ATL2: variants seen among roughly 807,000 people sequenced by gnomAD.
ATL2 encodes the protein atlastin-2.
ATL2 carries 31 observed loss-of-function variants against 73.9 expected under a neutral mutation model. The observed-to-expected ratio is 0.42, with a 90% CI of 0.32 to 0.57. The LOEUF (loss-of-function observed/expected upper bound fraction) is 0.57, where lower values mean the gene tolerates loss of function less well. ATL2 is among the 20% of genes least tolerant of loss of function. ATL2 has a pLI of 0.14. For synonymous variants in ATL2, 291 were observed against 237.5 expected (o/e 1.23, Z -2.07); for missense variants, 738 against 702.6 (o/e 1.05, Z -0.57).
chr2:38,331,346 G>A (rs1476439632), intron 2 of ATL2, among the ~76,000 whole-genome samples: 1 of 149,916 alleles, frequency 6.7e-6, no homozygotes, highest in Non-Finnish European at 1.5e-5. Flanking sequence ...GGAGGCAGGA[G>A]AATCACTTAA....
intron 4 of ATL2, among the ~76,000 whole-genome samples, chr2:38,316,169 T>C (rs1367596873): frequency 1.3e-5 from 2 of 152,226 alleles, no homozygotes; most frequent in Non-Finnish European, 2.9e-5. Context: ...AAATAAGTGA[T>C]ACTCTGGCTA....
chr2:38,378,371 C>T (rs1356852168), upstream of ATL2, among the ~76,000 whole-genome samples: 6 of 152,208 alleles, frequency 3.9e-5, no homozygotes, highest in Non-Finnish European at 7.3e-5. Flanking sequence ...TCCGGAGTAG[C>T]TGGGATTACA....
intron 2 of ATL2, 89 bp downstream of exon 2, chr2:38,343,179 G>C (rs957695452): frequency 1.5e-5 from 5 of 337,160 alleles, no homozygotes; most frequent in African/African-American, 8.3e-5. Flanking sequence ...AAAAAAAAAA[G>C]ATATAGTTCT....
chr2:38,358,267 C>T (rs545058873), intron 1 of ATL2, among the ~76,000 whole-genome samples: 56 of 152,230 alleles, frequency 3.7e-4, no homozygotes, highest in Non-Finnish European at 5.6e-4. Flanking sequence ...AACTGTAATG[C>T]TCTATTTTTC....
intron 2 of ATL2, among the ~76,000 whole-genome samples, chr2:38,341,821 G>A (rs894975351): frequency 2.6e-5 from 4 of 152,158 alleles, no homozygotes; most frequent in African/African-American, 4.8e-5. Context: ...AAAACCAAAT[G>A]AGAATGTTTA....
chr2:38,335,937 G>C (rs1013298170), intron 2 of ATL2, among the ~76,000 whole-genome samples: 1 of 152,148 alleles, frequency 6.6e-6, no homozygotes, highest in Non-Finnish European at 1.5e-5. Context: ...TGAAACAGGA[G>C]AATGGTGTGA....
At chr2:38,314,006 G>C (rs75188738) in intron 6 of ATL2, among the ~76,000 whole-genome samples, 2,929 of 152,250 alleles carry the variant, frequency 0.019, 31 homozygotes, top group Non-Finnish European at 0.029. Flanking sequence ...AGCCAGACAA[G>C]AGTGAGGCAG....
chr2:38,306,233 G>A (rs1199894262), intron 9 of ATL2, among the ~76,000 whole-genome samples: 2 of 152,084 alleles, frequency 1.3e-5, no homozygotes, highest in South Asian at 2.1e-4. Context: ...AACAAGTAAC[G>A]AGATCAAAGC....
intron 4 of ATL2, among the ~76,000 whole-genome samples, chr2:38,317,568 G>C (rs1369878917): frequency 6.6e-6 from 1 of 152,134 alleles, no homozygotes; most frequent in South Asian, 2.1e-4. Context: ...CATAAGCCTT[G>C]TCTGGGTTTC....
rs529577524 is a variant in ATL2 at position 38,317,172 on chromosome 2, CTG to C, written c.603+1361_603+1362del. On this transcript the variant is annotated intron_variant, in intron 4 of 12. Coordinates refer to ENST00000378954, the MANE Select transcript of ATL2 (RefSeq NM_001135673.4). Reference sequence around the variant, plus strand: ...GGAAAGCATAAAAAAATCCAAGACACTGTGACAGCATCACCTATGATCTACCA... The same window carrying C: ...GGAAAGCATAAAAAAATCCAAGACACTGACAGCATCACCTATGATCTACCA... 3.8e-3 allele frequency among the ~76,000 whole-genome samples: 573 copies of C among 152,204 alleles called. 8 individuals are homozygous for C. Among genetic ancestry groups the C allele is most frequent in the African/African-American group, 0.013 (536 of 41,502 alleles).
At chr2:38,319,079 A>G (rs1668181679) in intron 2 of ATL2, 60 bp from the exon 3 acceptor site, 1 of 1,538,054 alleles carries the variant, frequency 6.5e-7, no homozygotes, top group Non-Finnish European at 8.8e-7. Flanking sequence ...AGAAACCAAA[A>G]AATCACCCAT....
chr2:38,378,272 A>C (rs916134884), upstream of ATL2, among the ~76,000 whole-genome samples: 2 of 152,202 alleles, frequency 1.3e-5, no homozygotes, highest in Non-Finnish European at 2.9e-5. Context: ...CTAGAAAAGC[A>C]CTGGTGTTAT....
chr2:38,352,547 G>C (rs954766023), intron 1 of ATL2, among the ~76,000 whole-genome samples: 1 of 152,204 alleles, frequency 6.6e-6, no homozygotes, highest in Admixed American at 6.5e-5. Flanking sequence ...CTATGCAGAG[G>C]TGGAGCCCAG....
Position 38,310,293 on chromosome 2 carries a change from G to C in ATL2, c.943+16C>G, listed in dbSNP as rs1326062116. The C allele has an allele frequency of 1.9e-6, 3 of 1,607,998 alleles. No individual in the cohort carries two copies. The highest frequency in any genetic ancestry group is 2.5e-6 in the Non-Finnish European group (3 of 1,178,458). ...AATAAATAAGTTCAGATTTTAGCAAGAATGGGAATTCCCACCTTTCAATCT... is the reference window on the plus strand; with the variant it reads ...AATAAATAAGTTCAGATTTTAGCAACAATGGGAATTCCCACCTTTCAATCT... On this transcript the variant is annotated intron_variant, in intron 8 of 12. Transcript: ENST00000378954.
chr2:38,345,896 T>C (rs539290985), intron 1 of ATL2, among the ~76,000 whole-genome samples: 10 of 152,322 alleles, frequency 6.6e-5, no homozygotes, highest in East Asian at 3.9e-4. Flanking sequence ...ACCTAACTCA[T>C]AGGGTTGTCA....
At chr2:38,315,406 C>T in intron 4 of ATL2, 72 bp from the exon 5 acceptor site, 2 of 1,434,264 alleles carry the variant, frequency 1.4e-6, no homozygotes, top group Non-Finnish European at 1.8e-6. Context: ...TATAACTTTA[C>T]TTGTGGAAAA....
chr2:38,366,894 G>A (rs1671360262), intron 1 of ATL2, among the ~76,000 whole-genome samples: 1 of 152,114 alleles, frequency 6.6e-6, no homozygotes, highest in Non-Finnish European at 1.5e-5. Flanking sequence ...CCGGCCTCTA[G>A]TCCCAAAAGA....
intron 10 of ATL2, 44 bp from the exon 11 acceptor site, chr2:38,299,371 G>T: frequency 6.7e-7 from 1 of 1,498,274 alleles, no homozygotes; most frequent in South Asian, 1.4e-5. Context: ...AATACTCTAT[G>T]ACTCTAAAAA....
Position 38,341,374 on chromosome 2 carries a change from T to C in ATL2, c.363+1894A>G, listed in dbSNP as rs141219882. 3.3e-5 allele frequency among the ~76,000 whole-genome samples: 5 copies of C among 152,306 alleles called. No homozygotes were observed. In the East Asian group the frequency reaches 9.6e-4, roughly 29 times the overall value. On this transcript the variant is annotated intron_variant, in intron 2 of 12. Transcript: ENST00000378954. ...AACTTTAGCTGAGCATGGTGGCTCA[T>C]ACCTGTAATCCCAACACGTTGGGAC...
Sources: gnomAD v4.1 joint callset for allele counts (sites outside exome capture counted in the v4.1 genomes callset) on GRCh38, gnomAD v4.1.1 for gene constraint, MANE v1.5 for transcripts, NCBI Gene and HGNC (gene_info 2026-07-23, HGNC 2026-07-21) for gene names.